The following PGPEP1 variants were observed in gnomAD, a reference collection of about 807,000 sequenced individuals.
PGPEP1 encodes pyroglutamyl-peptidase 1.
PGPEP1 carries 15 observed loss-of-function variants against 24.1 expected under a neutral mutation model. The observed-to-expected ratio is 0.62, with a 90% CI of 0.42 to 0.96. PGPEP1 has a LOEUF of 0.96. PGPEP1 is among the 40% of genes least tolerant of loss of function. The pLI is 0.00. For synonymous variants in PGPEP1, 122 were observed against 116.4 expected, an observed-to-expected ratio of 1.05 and a Z score of -0.31; for missense variants, 242 against 273.4, an observed-to-expected ratio of 0.89 and a Z score of 0.81.
intron 2 of PGPEP1, among the ~76,000 whole-genome samples, chr19:18,346,661 A>G (rs1489525474): frequency 1.1e-5 from 1 of 91,012 alleles, no homozygotes; most frequent in Non-Finnish European, 2.1e-5. Context: ...TTTTTTTGAG[A>G]CAGAGTTTCG....
At position 18,357,746 on chromosome 19, in the gene PGPEP1, C is replaced by T. The variant is rs1971230311; in HGVS notation, c.437+131C>T. ...ACTCAGTGTATACTAGGCACAGAGC[C>T]AAGTATTTGTACGTAGCAGGTGCCG... On this transcript the variant is annotated intron_variant, in intron 4 of 4. Transcript: ENST00000269919. 9 of 670,588 alleles carry T rather than the reference C, an allele frequency of 1.3e-5. No individual in the cohort carries two copies. In the Admixed American group the frequency reaches 2.0e-4, roughly 15 times the overall value. 41.5% of individuals were successfully genotyped at this position (670,588 alleles called of 1,614,324 possible).
At position 18,363,350 on chromosome 19, in the gene PGPEP1, C is replaced by T. The variant is rs191061423; in HGVS notation, c.438-41C>T. The T allele has an allele frequency of 3.8e-4, 594 of 1,555,220 alleles. 6 individuals carry two copies. In the African/African-American group the frequency reaches 6.1e-3, roughly 16 times the overall value. Reference sequence around the variant, plus strand: ...GGTCTACGGATTGCCCCTCTGACCCCGTTTTGGTCTCTCTCTTACCCGCCA... The same window carrying T: ...GGTCTACGGATTGCCCCTCTGACCCTGTTTTGGTCTCTCTCTTACCCGCCA... On this transcript the variant is annotated intron_variant, in intron 4 of 4. Transcript: ENST00000269919.
intron 2 of PGPEP1, among the ~76,000 whole-genome samples, chr19:18,350,241 T>G (rs957836995): frequency 1.3e-5 from 2 of 152,074 alleles, no homozygotes; most frequent in African/African-American, 4.8e-5. Context: ...GCCAGGCTGG[T>G]CTGAAACTCC....
chr19:18,344,618 C>T (rs1361449470), intron 2 of PGPEP1, among the ~76,000 whole-genome samples: 3 of 146,382 alleles, frequency 2.0e-5, no homozygotes, highest in Admixed American at 1.4e-4. Context: ...CTGCCCACTT[C>T]GTGAACGGGA....
rs1233910171 is a variant in PGPEP1, at chr19:18,367,762, G to A, written c.*4179G>A. 3.3e-5 allele frequency: 5 copies of A among 152,398 alleles called. No homozygotes were observed. The highest frequency in any genetic ancestry group is 7.3e-5 in the Non-Finnish European group (5 of 68,222). 9.4% of individuals were successfully genotyped at this position (152,398 alleles called of 1,614,324 possible). On this transcript the variant is annotated 3_prime_UTR_variant, in exon 5 of 5. Coordinates refer to ENST00000269919, the MANE Select transcript of PGPEP1 (RefSeq NM_017712.4). ...GCAGGGCTGGGCAGGGACAGGGGGT[G>A]GGGGCCGAAATCACAGCTTCCCCAT...
rs1971220741 is a variant in PGPEP1, at chr19:18,357,517, T to C, written c.339T>C (p.Pro113=). The C allele has an allele frequency of 6.2e-7, 1 of 1,613,360 alleles. No individual in the cohort carries two copies. Among genetic ancestry groups the C allele is most frequent in the African/African-American group, 1.3e-5 (1 of 74,904 alleles). ...CCCAGTGCTGCGTGGAGGACGGGCCTGAAAGCATTGACTCCATCATCGACA... is the reference window on the plus strand; with the variant it reads ...CCCAGTGCTGCGTGGAGGACGGGCCCGAAAGCATTGACTCCATCATCGACA... ...PGSQCCVEDG[P]ESIDSIIDMD... is the part of the protein sequence containing the mutation. Residue 113 remains proline (P), a synonymous_variant, in exon 4 of 5, where the codon CCT becomes CCC. Coordinates refer to ENST00000269919, the MANE Select transcript of PGPEP1 (RefSeq NM_017712.4).
In PGPEP1 at chr19:18,357,638, T is replaced by C. The variant is rs199986264; in HGVS notation, c.437+23T>C. The C allele has an allele frequency of 6.2e-5, 95 of 1,520,416 alleles. No individual in the cohort carries two copies. In the Admixed American group the frequency reaches 7.2e-4, roughly 12 times the overall value. 94.2% of individuals were successfully genotyped at this position (1,520,416 alleles called of 1,614,324 possible). The stretch of plus-strand genomic sequence containing the variant: ...CAGGTAGGGCCCTGTGGGGTGGGAG[T>C]GAGTGGGGATTTCCCTCCTCCACCC... On this transcript the variant is annotated intron_variant, in intron 4 of 4. Coordinates refer to ENST00000269919, the MANE Select transcript of PGPEP1 (RefSeq NM_017712.4).
intron 4 of PGPEP1, among the ~76,000 whole-genome samples, chr19:18,363,033 T>TTGTGTGTGTGTG (rs201259409): frequency 0.18 from 24,707 of 136,466 alleles, 2,477 homozygotes; most frequent in Non-Finnish European, 0.22. Context: ...TTTTTTTTGT[T>TTGTGTGTGTGTG]TGTGTGTGTG....
In PGPEP1 at chr19:18,366,919, T is replaced by A. The variant is rs1971568099; in HGVS notation, c.*3336T>A. Reference sequence around the variant, plus strand: ...CTGTAATCCTAGCACTTTGGGAGGTTGAGGCAGGAGAATCCCTTGAGCCAG... The same window carrying A: ...CTGTAATCCTAGCACTTTGGGAGGTAGAGGCAGGAGAATCCCTTGAGCCAG... On this transcript the variant is annotated 3_prime_UTR_variant, in exon 5 of 5. Coordinates refer to ENST00000269919, the MANE Select transcript of PGPEP1 (RefSeq NM_017712.4). The A allele has an allele frequency of 6.6e-6, 1 of 151,940 alleles. No homozygotes were observed. The highest frequency in any genetic ancestry group is 1.5e-5 in the Non-Finnish European group (1 of 68,052). 9.4% of individuals were successfully genotyped at this position (151,940 alleles called of 1,614,324 possible). A position where few individuals can be genotyped will look rare whatever the true frequency, so the allele number is the denominator to read the frequency against.
rs1232199225 is a variant in PGPEP1 at position 18,357,391 on chromosome 19, G to A, written c.213G>A (p.Val71=). The A allele has an allele frequency of 3.7e-6, 6 of 1,613,116 alleles. No individual in the cohort carries two copies. Among genetic ancestry groups the A allele is most frequent in the Middle Eastern group, 3.3e-4 (2 of 6,060 alleles). The change falls in exon 4 of 5, where the codon GTG becomes GTA. Residue 71 remains valine (V), a synonymous_variant. Transcript: ENST00000269919. ...LWEKHSPQLV[V]HVGVSGMATT... ...CCCCTGTCTGTGTGCAGCTGGTGGT[G>A]CATGTGGGGGTGTCAGGCATGGCGA...
chr19:18,350,629 G>A (rs1970992953), intron 2 of PGPEP1, among the ~76,000 whole-genome samples: 1 of 152,204 alleles, frequency 6.6e-6, no homozygotes, highest in East Asian at 1.9e-4. Flanking sequence ...CCAATGTAGG[G>A]GAATGTTTAA....
chr19:18,354,655 C>A (rs916300018), intron 2 of PGPEP1, among the ~76,000 whole-genome samples: 2 of 152,040 alleles, frequency 1.3e-5, no homozygotes, highest in Non-Finnish European at 2.9e-5. Flanking sequence ...ATAGCTGGGA[C>A]CACAGGTGTG....
intron 4 of PGPEP1, among the ~76,000 whole-genome samples, chr19:18,359,508 CTT>C (rs34626308): frequency 2.4e-3 from 305 of 126,020 alleles, no homozygotes; most frequent in Middle Eastern, 8.8e-3. Context: ...TCTTTCCAGT[CTT>C]TTTTTTTTTT....
In PGPEP1 at chr19:18,364,119, T is replaced by TCTTTCTTTCTTTCTTTCTTTCTTTCTTG. The variant is rs1568321173; in HGVS notation, c.*547_*548insTCTTTCTTTCTTTCTTGCTTTCTTTCTT. 3.6e-5 allele frequency: 5 copies of TCTTTCTTTCTTTCTTTCTTTCTTTCTTG among 138,620 alleles called. No homozygotes were observed. Among genetic ancestry groups the TCTTTCTTTCTTTCTTTCTTTCTTTCTTG allele is most frequent in the African/African-American group, 1.2e-4 (4 of 33,632 alleles). The allele number at this position is 138,620 out of a possible 1,614,324, so 8.6% of individuals were successfully genotyped here. A position where few individuals can be genotyped will look rare whatever the true frequency, so the allele number is the denominator to read the frequency against. ...TTCTTTCTTTCTTTCTTTCTTGCTT[T>TCTTTCTTTCTTTCTTTCTTTCTTTCTTG]CTTTCTTTCTTGCTTTCTTTCTTCT... On this transcript the variant is annotated 3_prime_UTR_variant, in exon 5 of 5. Coordinates refer to ENST00000269919, the MANE Select transcript of PGPEP1 (RefSeq NM_017712.4).
Position 18,363,746 on chromosome 19 carries a change from G to T in PGPEP1, c.*163G>T, listed in dbSNP as rs1600228014. On this transcript the variant is annotated 3_prime_UTR_variant, in exon 5 of 5. Coordinates refer to ENST00000269919, the MANE Select transcript of PGPEP1 (RefSeq NM_017712.4). ...CTCCTCTTCCTCCTTCTCTACAAAA[G>T]CTCCGGTTGATTCGAGGGAAGTGGT... 2.9e-5 allele frequency: 15 copies of T among 524,626 alleles called. No homozygotes were observed. The East Asian group carries it at 4.6e-4, about 16-fold the overall frequency. The allele number at this position is 524,626 out of a possible 1,614,324, so 32.5% of individuals were successfully genotyped here. A position where few individuals can be genotyped will look rare whatever the true frequency, so the allele number is the denominator to read the frequency against.
rs1600229346 is a variant in PGPEP1, at chr19:18,364,139, T to TCTTTCTTTCTTTCTTG, written c.*559_*560insTCTTTCTTTCTTGCTT. 9.1e-6 allele frequency: 1 copy of TCTTTCTTTCTTTCTTG among 110,292 alleles called. No homozygotes were observed. Among genetic ancestry groups the TCTTTCTTTCTTTCTTG allele is most frequent in the Admixed American group, 9.8e-5 (1 of 10,230 alleles). 6.8% of individuals were successfully genotyped at this position (110,292 alleles called of 1,614,324 possible). On this transcript the variant is annotated 3_prime_UTR_variant, in exon 5 of 5. Coordinates refer to ENST00000269919, the MANE Select transcript of PGPEP1 (RefSeq NM_017712.4). ...TGCTTTCTTTCTTTCTTGCTTTCTTTCTTCTCTCTCTCTCTTTTTTTTTTT... is the reference window on the plus strand; with the variant it reads ...TGCTTTCTTTCTTTCTTGCTTTCTTTCTTTCTTTCTTTCTTGCTTCTCTCTCTCTCTTTTTTTTTTT...
chr19:18,341,424 A>G (rs1188909496), intron 1 of PGPEP1, among the ~76,000 whole-genome samples: 2 of 152,246 alleles, frequency 1.3e-5, no homozygotes, highest in East Asian at 1.9e-4. Flanking sequence ...TGGGGCGCCA[A>G]CTTCCGCTGG....
rs903872334 is a variant in PGPEP1, at chr19:18,365,208, G to A, written c.*1625G>A. On this transcript the variant is annotated 3_prime_UTR_variant, in exon 5 of 5. Coordinates refer to ENST00000269919, the MANE Select transcript of PGPEP1 (RefSeq NM_017712.4). ...TTAGGGAGAGAGGACGACCCCCACA[G>A]TGAAAGTAATTGAGTGAAATGCACG... 1 of 152,140 alleles carries A rather than the reference G, an allele frequency of 6.6e-6. No homozygotes were observed. Among genetic ancestry groups the A allele is most frequent in the Non-Finnish European group, 1.5e-5 (1 of 68,038 alleles). 9.4% of individuals were successfully genotyped at this position (152,140 alleles called of 1,614,324 possible). A position where few individuals can be genotyped will look rare whatever the true frequency, so the allele number is the denominator to read the frequency against.
At position 18,352,266 on chromosome 19, in the gene PGPEP1, C is replaced by CAAAAAAAAAAAAAAAA. The variant is rs60299417; in HGVS notation, c.88-3623_88-3608dup. On this transcript the variant is annotated intron_variant, in intron 2 of 4. Coordinates refer to ENST00000269919, the MANE Select transcript of PGPEP1 (RefSeq NM_017712.4). ...TGGGTGACAGAGCGAGACTCCGTCTCAAAAAAAAAAAAAAAAAAAAATTAG... is the reference window on the plus strand; with the variant it reads ...TGGGTGACAGAGCGAGACTCCGTCTCAAAAAAAAAAAAAAAAAAAAAAAAAAAAAAAAAAAAATTAG... 9.2e-4 allele frequency among the ~76,000 whole-genome samples: 40 copies of CAAAAAAAAAAAAAAAA among 43,630 alleles called. 1 individual carries two copies. The highest frequency in any genetic ancestry group is 1.8e-3 in the African/African-American group (23 of 13,120). The allele number at this position is 43,630 out of a possible 152,430, so 28.6% of individuals were successfully genotyped here. A position where few individuals can be genotyped will look rare whatever the true frequency, so the allele number is the denominator to read the frequency against.
Sources: gnomAD v4.1 joint callset for allele counts (sites outside exome capture counted in the v4.1 genomes callset) on GRCh38, gnomAD v4.1.1 for gene constraint, MANE v1.5 for transcripts, NCBI Gene and HGNC (gene_info 2026-07-23, HGNC 2026-07-21) for gene names.